SGCD: variants seen among roughly 807,000 people sequenced by gnomAD.
The protein encoded by SGCD is delta-sarcoglycan.
A neutral mutation model predicts 36.6 loss-of-function variants in SGCD; 18 were observed. The observed-to-expected ratio is 0.49, with a 90% CI of 0.34 to 0.73. SGCD has a LOEUF of 0.73. SGCD is among the 30% of genes least tolerant of loss of function. The pLI is 0.01. For missense variants in SGCD, 387 were observed against 346.7 expected, an observed-to-expected ratio of 1.12 and a Z score of -0.92; for synonymous variants, 133 against 130.6, an observed-to-expected ratio of 1.02 and a Z score of -0.12.
At chr5:156,572,082 T>G (rs554809434) in intron 4 of SGCD, among the ~76,000 whole-genome samples, 2 of 152,354 alleles carry the variant, frequency 1.3e-5, no homozygotes, top group African/African-American at 4.8e-5. Flanking sequence ...GTATCATACC[T>G]CATTTTTGCA....
intron 3 of SGCD, among the ~76,000 whole-genome samples, chr5:156,500,276 A>T (rs1033668632): frequency 6.6e-6 from 1 of 152,226 alleles, no homozygotes; most frequent in Non-Finnish European, 1.5e-5. Context: ...CACTCTACAG[A>T]TATTTTCTGA....
chr5:156,175,410 G>GA lies in SGCD; in HGVS notation c.-44+51401dup, dbSNP rs11365644. ...TTATTTTGTGAGCGCACTCTACTTA[G>GA]AAAAAAAAAATATTCGTGTACCTTA... On this transcript the variant is annotated intron_variant, in intron 3 of 9. Coordinates refer to the SGCD transcript ENST00000517913. 6.7e-3 allele frequency among the ~76,000 whole-genome samples: 998 copies of GA among 149,842 alleles called. 7 individuals are homozygous for GA. Among genetic ancestry groups the GA allele is most frequent in the African/African-American group, 0.021 (841 of 40,912 alleles).
intron 7 of SGCD, among the ~76,000 whole-genome samples, chr5:156,739,066 A>C (rs1561887967): frequency 1.3e-5 from 2 of 152,234 alleles, no homozygotes; most frequent in Non-Finnish European, 2.9e-5. Context: ...AAGATATATT[A>C]AGAGGGGGAA....
chr5:155,829,832 A>C, the SGCD span, among the ~76,000 whole-genome samples: 3 of 152,236 alleles, frequency 2.0e-5, no homozygotes. Context: ...TGAGAAAACC[A>C]GGAAATGGAA....
intron 3 of SGCD, among the ~76,000 whole-genome samples, chr5:156,301,945 CCTTGAT>C (rs1390912288): frequency 6.6e-6 from 1 of 151,296 alleles, no homozygotes; most frequent in Non-Finnish European, 1.5e-5. Context: ...GTTTCTTAAT[CCTTGAT>C]CTTTGGAAGT....
intron 7 of SGCD, among the ~76,000 whole-genome samples, chr5:156,731,244 CAGA>C (rs1378907204): frequency 6.6e-6 from 1 of 152,152 alleles, no homozygotes; most frequent in Non-Finnish European, 1.5e-5. Flanking sequence ...TTTGGCTGTG[CAGA>C]AGCTCTTTAA....
chr5:155,803,923 T>G, the SGCD span, among the ~76,000 whole-genome samples: 1 of 152,180 alleles, frequency 6.6e-6, no homozygotes, highest in Non-Finnish European at 1.5e-5. Context: ...GAAATGCCAA[T>G]AGTGACCCAT....
chr5:156,100,628 C>T (rs1219427975), intron 1 of SGCD, among the ~76,000 whole-genome samples: 1 of 152,122 alleles, frequency 6.6e-6, no homozygotes, highest in African/African-American at 2.4e-5. Flanking sequence ...TTTATTCATG[C>T]ATGTTAGATC....
intron 3 of SGCD, among the ~76,000 whole-genome samples, chr5:156,379,399 G>A (rs889332031): frequency 1.1e-4 from 17 of 152,132 alleles, no homozygotes; most frequent in African/African-American, 4.1e-4. Flanking sequence ...ATCAGAGGGA[G>A]CAGCATGTGC....
chr5:156,259,114 GTTTATTTATTTA>G (rs561763416), intron 3 of SGCD, among the ~76,000 whole-genome samples: 62 of 146,772 alleles, frequency 4.2e-4, no homozygotes, highest in South Asian at 2.4e-3. Flanking sequence ...AACACTGGCT[GTTTATTTATTTA>G]TTTATTTATT....
In SGCD at chr5:155,883,338, A is replaced by G. The variant is rs1026119672; in HGVS notation, c.-282+12914A>G. Among the ~76,000 whole-genome samples the G allele has an allele frequency of 4.6e-5, 7 of 152,302 alleles. No individual in the cohort carries two copies. The East Asian group carries it at 1.3e-3, about 29-fold the overall frequency. On this transcript the variant is annotated intron_variant, in intron 1 of 9. Transcript: ENST00000517913. Reference sequence around the variant, plus strand: ...CTTGGCTGTTTGGTGCAAGAGGCCCAGTTTTTGGCCCATTTTGGCTTTCTA... The same window carrying G: ...CTTGGCTGTTTGGTGCAAGAGGCCCGGTTTTTGGCCCATTTTGGCTTTCTA...
intron 7 of SGCD, among the ~76,000 whole-genome samples, chr5:156,749,527 C>T (rs1021708493): frequency 2.0e-5 from 3 of 151,630 alleles, no homozygotes; most frequent in Non-Finnish European, 2.9e-5. Context: ...AAAAAGAAGA[C>T]GTGAAAAAAA....
intron 1 of SGCD, among the ~76,000 whole-genome samples, chr5:156,068,603 A>G (rs994976478): frequency 6.6e-6 from 1 of 151,826 alleles, no homozygotes; most frequent in African/African-American, 2.4e-5. Flanking sequence ...GTGCCTTTAT[A>G]GCAGCATGAT....
chr5:156,617,234 C>T (rs891406801), intron 6 of SGCD, among the ~76,000 whole-genome samples: 1 of 152,152 alleles, frequency 6.6e-6, no homozygotes, highest in African/African-American at 2.4e-5. Context: ...ACTCACCTGA[C>T]AGTGTAGTAA....
chr5:156,723,552 C>A (rs1279784493), intron 7 of SGCD, among the ~76,000 whole-genome samples: 1 of 152,108 alleles, frequency 6.6e-6, no homozygotes, highest in Non-Finnish European at 1.5e-5. Context: ...AGCAGTTAAC[C>A]ATGCTATGAA....
At chr5:156,183,341 G>A (rs1436392693) in intron 3 of SGCD, among the ~76,000 whole-genome samples, 1 of 152,150 alleles carries the variant, frequency 6.6e-6, no homozygotes, top group Non-Finnish European at 1.5e-5. Context: ...TGAAATCACA[G>A]TACCCCACTT....
intron 4 of SGCD, among the ~76,000 whole-genome samples, chr5:156,562,729 G>A (rs1376594526): frequency 6.6e-6 from 1 of 151,950 alleles, no homozygotes; most frequent in African/African-American, 2.4e-5. Context: ...ACAGGCGATG[G>A]TGGTCTGAGC....
intron 1 of SGCD, among the ~76,000 whole-genome samples, chr5:156,085,717 T>A (rs558929302): frequency 6.6e-6 from 1 of 152,242 alleles, no homozygotes; most frequent in African/African-American, 2.4e-5. Flanking sequence ...AAATATGTGG[T>A]AGAATTCTCC....
At chr5:156,408,908 T>G (rs934238427) in intron 3 of SGCD, among the ~76,000 whole-genome samples, 1 of 152,152 alleles carries the variant, frequency 6.6e-6, no homozygotes, top group African/African-American at 2.4e-5. Context: ...TTCACACCTA[T>G]ATAAAGGGGG....
Sources: allele counts gnomAD v4.1 joint callset (sites outside exome capture counted in the v4.1 genomes callset), GRCh38; gene constraint gnomAD v4.1.1; transcripts MANE v1.5; gene names NCBI Gene and HGNC (gene_info 2026-07-23, HGNC 2026-07-21).